BRIP1: variants seen among roughly 807,000 people sequenced by gnomAD.
The protein encoded by BRIP1 is Fanconi anemia group J protein.
BRIP1 carries 88 observed loss-of-function variants against 119.7 expected under a neutral mutation model. The observed-to-expected ratio is 0.74, with a 90% CI of 0.62 to 0.88. The LOEUF is 0.88. Among genes scored for constraint, BRIP1 ranks in the 40% least tolerant of loss-of-function variants. BRIP1 has a pLI of 0.00. For missense variants in BRIP1, 1,259 were observed against 1,455.4 expected (o/e 0.87, Z 2.20); for synonymous variants, 443 against 496.5 (o/e 0.89, Z 1.43).
In BRIP1 at chr17:61,859,897, C is replaced by A. The variant is rs876659168; in HGVS notation, c.104G>T (p.Gly35Val). The A allele has an allele frequency of 6.2e-7, 1 of 1,608,450 alleles. No homozygotes were observed. The highest frequency in any genetic ancestry group is 8.5e-7 in the Non-Finnish European group (1 of 1,174,968). Reference sequence around the variant, plus strand: ...CAAACAATGTTGCTTGCTGTTTAATCCTCTGAGAATCTATGAACACAGAAA... The same window carrying A: ...CAAACAATGTTGCTTGCTGTTTAATACTCTGAGAATCTATGAACACAGAAA... Reference protein sequence around the residue: ...QLAMMNSILRGLNSKQHCLLE... With the variant: ...QLAMMNSILRVLNSKQHCLLE... The change falls in exon 3 of 20, where the codon GGA (glycine) becomes GTA (valine). Residue 35 changes from glycine to valine, a missense_variant. Gly to Val is a moderately radical substitution (Grantham distance 109). This residue lies in a region of BRIP1 where 501 missense variants were observed against 544.0 expected (regional missense o/e 0.92). Transcript: ENST00000259008.
intron 18 of BRIP1, among the ~76,000 whole-genome samples, chr17:61,688,018 G>C (rs999670667): frequency 1.2e-4 from 19 of 152,138 alleles, no homozygotes; most frequent in African/African-American, 3.9e-4. Context: ...TGCAACAGAG[G>C]CCCATATAGT....
chr17:61,850,475 C>T (rs1172407036), intron 4 of BRIP1, among the ~76,000 whole-genome samples: 5 of 152,140 alleles, frequency 3.3e-5, no homozygotes, highest in Non-Finnish European at 7.4e-5. Flanking sequence ...GAATCCTTGG[C>T]CCTAAAGGAT....
In BRIP1 at chr17:61,704,118, A is replaced by G. The variant is rs1259229593; in HGVS notation, c.2493-10606T>C. 6.6e-6 allele frequency among the ~76,000 whole-genome samples: 1 copy of G among 152,150 alleles called. No individual in the cohort carries two copies. The highest frequency in any genetic ancestry group is 1.5e-5 in the Non-Finnish European group (1 of 68,014). On this transcript the variant is annotated intron_variant, in intron 17 of 19. Coordinates refer to ENST00000259008, the MANE Select transcript of BRIP1 (RefSeq NM_032043.3). The surrounding 1 kb of genome is among the most constrained non-coding windows in gnomAD (Gnocchi z 5.7). The stretch of plus-strand genomic sequence containing the variant: ...CATACAGCAAGCCAGTTACTCCAGC[A>G]CCATTTATTGAACAAGGAGTCCTTT...
Position 61,803,271 on chromosome 17 carries a change from A to G in BRIP1, c.919-1797T>C, listed in dbSNP as rs1333065098. Reference sequence around the variant, plus strand: ...CACATATGGCTCCTTTTTTGTAGAGACAGGGTTTTGTCATGTTGCTCAGGC... The same window carrying G: ...CACATATGGCTCCTTTTTTGTAGAGGCAGGGTTTTGTCATGTTGCTCAGGC... On this transcript the variant is annotated intron_variant, in intron 7 of 19. Coordinates refer to ENST00000259008, the MANE Select transcript of BRIP1 (RefSeq NM_032043.3). The surrounding 1 kb of genome is among the most constrained non-coding windows in gnomAD (Gnocchi z 4.3). Among the ~76,000 whole-genome samples the G allele has an allele frequency of 6.6e-6, 1 of 152,086 alleles. No individual in the cohort carries two copies. The highest frequency in any genetic ancestry group is 1.5e-5 in the Non-Finnish European group (1 of 68,004).
At chr17:61,835,547 A>G (rs898120705) in intron 6 of BRIP1, among the ~76,000 whole-genome samples, 1 of 152,144 alleles carries the variant, frequency 6.6e-6, no homozygotes, top group African/African-American at 2.4e-5. Context: ...TGCTACTTCA[A>G]AAACTATCAG....
At chr17:61,779,309 G>C (rs1270979007) in intron 13 of BRIP1, among the ~76,000 whole-genome samples, 1 of 152,232 alleles carries the variant, frequency 6.6e-6, no homozygotes, top group African/African-American at 2.4e-5. Flanking sequence ...GGGCATGGTA[G>C]TACATGCCTG....
At position 61,827,912 on chromosome 17, in the gene BRIP1, G is replaced by T. The variant is rs2078433557; in HGVS notation, c.628-19155C>A. On this transcript the variant is annotated intron_variant, in intron 6 of 19. Coordinates refer to ENST00000259008, the MANE Select transcript of BRIP1 (RefSeq NM_032043.3). The surrounding 1 kb of genome is among the most constrained non-coding windows in gnomAD (Gnocchi z 5.8). ...AAAGGACAACAAAACAGATAATGAGGTTGGCAAAGATGTGGAGAAACTGGA... is the reference window on the plus strand; with the variant it reads ...AAAGGACAACAAAACAGATAATGAGTTTGGCAAAGATGTGGAGAAACTGGA... Among the ~76,000 whole-genome samples the T allele has an allele frequency of 6.6e-6, 1 of 152,150 alleles. No individual in the cohort carries two copies. Among genetic ancestry groups the T allele is most frequent in the African/African-American group, 2.4e-5 (1 of 41,432 alleles).
At chr17:61,772,160 TATATATATA>T (rs2077459346) in intron 14 of BRIP1, among the ~76,000 whole-genome samples, 1 of 1,008 alleles carries the variant, frequency 9.9e-4, no homozygotes, top group Non-Finnish European at 3.7e-3. Flanking sequence ...TGTGAGATTA[TATATATATA>T]TATATATATA....
intron 17 of BRIP1, among the ~76,000 whole-genome samples, chr17:61,714,219 C>G (rs2061823266): frequency 6.6e-6 from 1 of 152,068 alleles, no homozygotes; most frequent in Non-Finnish European, 1.5e-5. Flanking sequence ...TTTAGTATAG[C>G]CTAAGTGTAC....
intron 6 of BRIP1, among the ~76,000 whole-genome samples, chr17:61,833,491 G>A (rs979443373): frequency 1.3e-5 from 2 of 152,060 alleles, no homozygotes; most frequent in East Asian, 3.9e-4. Context: ...CCAACAAGGC[G>A]AAACCCTGTC....
chr17:61,856,654 G>T lies in BRIP1; in HGVS notation c.379+404C>A, dbSNP rs2078900088. 6.6e-6 allele frequency among the ~76,000 whole-genome samples: 1 copy of T among 152,074 alleles called. No individual in the cohort carries two copies. The highest frequency in any genetic ancestry group is 2.1e-4 in the South Asian group (1 of 4,820). Reference sequence around the variant, plus strand: ...ATAAACATACCTGATACTTATGTAGGATACTGGCCTCAGAAGGCCAGGCAA... The same window carrying T: ...ATAAACATACCTGATACTTATGTAGTATACTGGCCTCAGAAGGCCAGGCAA... On this transcript the variant is annotated intron_variant, in intron 4 of 19. Coordinates refer to ENST00000259008, the MANE Select transcript of BRIP1 (RefSeq NM_032043.3). This position sits in a 1 kb window ranked among gnomAD's most constrained non-coding sequence, Gnocchi z 5.1.
rs538935258 is a variant in BRIP1, at chr17:61,834,038, G to A, written c.627+13063C>T. 8.5e-5 allele frequency among the ~76,000 whole-genome samples: 13 copies of A among 152,146 alleles called. No homozygotes were observed. In the South Asian group the frequency reaches 2.5e-3, roughly 29 times the overall value. ...ATATGTATAAACAAATGTAAAATGC[G>A]TTCAAAAAAACTTTATTTATAAAAG... On this transcript the variant is annotated intron_variant, in intron 6 of 19. Transcript: ENST00000259008. The surrounding 1 kb of genome is among the most constrained non-coding windows in gnomAD (Gnocchi z 4.4).
rs913371748 is a variant in BRIP1, at chr17:61,740,610, C to T, written c.2379+2403G>A. On this transcript the variant is annotated intron_variant, in intron 16 of 19. Transcript: ENST00000259008. This position sits in a 1 kb window ranked among gnomAD's most constrained non-coding sequence, Gnocchi z 5.4. Reference sequence around the variant, plus strand: ...ACATTGCAAGTTTGGTTCCAGACCACCCCAATAAGGAGAATATCATAACAA... The same window carrying T: ...ACATTGCAAGTTTGGTTCCAGACCATCCCAATAAGGAGAATATCATAACAA... Among the ~76,000 whole-genome samples the T allele has an allele frequency of 6.6e-5, 10 of 152,150 alleles. No homozygotes were observed. Among genetic ancestry groups the T allele is most frequent in the African/African-American group, 2.2e-4 (9 of 41,436 alleles).
chr17:61,765,424 T>TATATATATATA (rs71150697), intron 14 of BRIP1, among the ~76,000 whole-genome samples: 2 of 8,648 alleles, frequency 2.3e-4, no homozygotes, highest in Admixed American at 1.8e-3. Context: ...TATATATATA[T>TATATATATATA]TTTTTTTTTT....
Position 61,845,263 on chromosome 17 carries a change from C to G in BRIP1, c.627+1838G>C, listed in dbSNP as rs2078711625. On this transcript the variant is annotated intron_variant, in intron 6 of 19. Transcript: ENST00000259008. This position sits in a 1 kb window ranked among gnomAD's most constrained non-coding sequence, Gnocchi z 4.2. ...ACCAACAAAACACAAATTAAATGTA[C>G]AGTAACTGAAAACAAATCTGTGGTT... 6.6e-6 allele frequency among the ~76,000 whole-genome samples: 1 copy of G among 152,082 alleles called. No homozygotes were observed. Among genetic ancestry groups the G allele is most frequent in the South Asian group, 2.1e-4 (1 of 4,824 alleles).
rs560282728 is a variant in BRIP1, at chr17:61,769,612, A to G, written c.2097+6789T>C. Among the ~76,000 whole-genome samples the G allele has an allele frequency of 2.3e-4, 35 of 152,296 alleles. No homozygotes were observed. Among genetic ancestry groups the G allele is most frequent in the South Asian group, 6.2e-4 (3 of 4,826 alleles). On this transcript the variant is annotated intron_variant, in intron 14 of 19. Transcript: ENST00000259008. This position sits in a 1 kb window ranked among gnomAD's most constrained non-coding sequence, Gnocchi z 4.9. The stretch of plus-strand genomic sequence containing the variant: ...CCAATTTTATTGGACTTCTGATTTC[A>G]GCTCCAATATGTAAAGAACTGGAAG...
Position 61,815,030 on chromosome 17 carries a change from AGT to A in BRIP1, c.628-6275_628-6274del, listed in dbSNP as rs920745723. On this transcript the variant is annotated intron_variant, in intron 6 of 19. Transcript: ENST00000259008. This position sits in a 1 kb window ranked among gnomAD's most constrained non-coding sequence, Gnocchi z 4.1. ...TAAAAATATAAAACTTCAGGTAGAG[AGT>A]GAGGAATCAAGACTATGGAAGATAA... Among the ~76,000 whole-genome samples, 1 of 151,604 alleles carries A rather than the reference AGT, an allele frequency of 6.6e-6. No individual in the cohort carries two copies. Among genetic ancestry groups the A allele is most frequent in the Non-Finnish European group, 1.5e-5 (1 of 67,852 alleles).
In BRIP1 at chr17:61,735,821, T is replaced by C. The variant is rs2076910774; in HGVS notation, c.2379+7192A>G. On this transcript the variant is annotated intron_variant, in intron 16 of 19. Transcript: ENST00000259008. This position sits in a 1 kb window ranked among gnomAD's most constrained non-coding sequence, Gnocchi z 4.4. The stretch of plus-strand genomic sequence containing the variant: ...GTTTTCAAAAAAATTTAAAAAAGAC[T>C]GCCTCTTGGATGGATTAGGAAGAAC... Among the ~76,000 whole-genome samples, 1 of 151,784 alleles carries C rather than the reference T, an allele frequency of 6.6e-6. No individual in the cohort carries two copies. The highest frequency in any genetic ancestry group is 6.6e-5 in the Admixed American group (1 of 15,206).
In BRIP1 at chr17:61,823,880, C is replaced by A. The variant is rs187567653; in HGVS notation, c.628-15123G>T. On this transcript the variant is annotated intron_variant, in intron 6 of 19. Coordinates refer to ENST00000259008, the MANE Select transcript of BRIP1 (RefSeq NM_032043.3). This position sits in a 1 kb window ranked among gnomAD's most constrained non-coding sequence, Gnocchi z 4.8. Reference sequence around the variant, plus strand: ...TTTCGCAGTTGTTGCCCAAAGTGATCTCAGCTCACTGCAACCTCCGCCTCC... The same window carrying A: ...TTTCGCAGTTGTTGCCCAAAGTGATATCAGCTCACTGCAACCTCCGCCTCC... 1.6e-4 allele frequency among the ~76,000 whole-genome samples: 24 copies of A among 151,874 alleles called. No homozygotes were observed. Among genetic ancestry groups the A allele is most frequent in the African/African-American group, 5.8e-4 (24 of 41,352 alleles).
Sources: gnomAD v4.1 joint callset for allele counts (sites outside exome capture counted in the v4.1 genomes callset) on GRCh38, gnomAD v4.1.1 for gene constraint, gnomAD v4.1.1 regional missense constraint, Gnocchi (gnomAD v3.1) non-coding constraint, MANE v1.5 for transcripts, NCBI Gene and HGNC (gene_info 2026-07-23, HGNC 2026-07-21) for gene names.